The following TMEM74 variants were observed in gnomAD, a reference collection of about 807,000 sequenced individuals.
TMEM74 encodes transmembrane protein 74.
A neutral mutation model predicts 18.1 loss-of-function variants in TMEM74; 13 were observed. The observed-to-expected ratio is 0.72, with a 90% confidence interval of 0.47 to 1.14. TMEM74 has a LOEUF of 1.14. Ranked by LOEUF, TMEM74 falls within the 50% of genes most tolerant of loss-of-function variation. TMEM74 has a pLI of 0.00. For missense variants in TMEM74, 372 were observed against 375.9 expected, an observed-to-expected ratio of 0.99 and a Z score of 0.09; for synonymous variants, 159 against 146.6, an observed-to-expected ratio of 1.08 and a Z score of -0.61.
intron 2 of TMEM74, among the ~76,000 whole-genome samples, chr8:108,630,453 T>C (rs1256240178): frequency 6.6e-6 from 1 of 152,052 alleles, no homozygotes; most frequent in Non-Finnish European, 1.5e-5. Flanking sequence ...ATTCAGGACT[T>C]GAACTCAGCT....
intron 2 of TMEM74, among the ~76,000 whole-genome samples, chr8:108,631,847 G>A (rs1415065631): frequency 6.6e-6 from 1 of 151,912 alleles, no homozygotes; most frequent in African/African-American, 2.4e-5. Flanking sequence ...CTTTTGTTTT[G>A]ACCAATACAA....
chr8:108,730,706 C>T (rs1315825791), intron 1 of TMEM74, among the ~76,000 whole-genome samples: 1 of 149,238 alleles, frequency 6.7e-6, no homozygotes. Flanking sequence ...GATCTCAGCT[C>T]ACTGCAAGCT....
At chr8:108,624,158 T>A (rs1057444992) in intron 2 of TMEM74, among the ~76,000 whole-genome samples, 2 of 152,096 alleles carry the variant, frequency 1.3e-5, no homozygotes, top group African/African-American at 4.8e-5. Context: ...AATTTTGACC[T>A]CCTTTTATAG....
chr8:108,687,232 C>T (rs983400137), intron 1 of TMEM74, among the ~76,000 whole-genome samples: 2 of 151,892 alleles, frequency 1.3e-5, no homozygotes, highest in Admixed American at 6.6e-5. Flanking sequence ...ATGGAGGGAA[C>T]CTATAAAAGC....
At chr8:108,722,997 C>CT (rs1182724278) in intron 1 of TMEM74, among the ~76,000 whole-genome samples, 1 of 152,134 alleles carries the variant, frequency 6.6e-6, no homozygotes, top group East Asian at 1.9e-4. Flanking sequence ...ACCTCATGAT[C>CT]TTGTGAGGAT....
chr8:108,632,119 G>A (rs1281333619), intron 2 of TMEM74, among the ~76,000 whole-genome samples: 1 of 151,988 alleles, frequency 6.6e-6, no homozygotes, highest in Non-Finnish European at 1.5e-5. Context: ...GAATGCACAG[G>A]AAGGACGTTA....
At chr8:108,661,035 C>T (rs896235475) in intron 1 of TMEM74, among the ~76,000 whole-genome samples, 9 of 152,084 alleles carry the variant, frequency 5.9e-5, no homozygotes, top group African/African-American at 2.2e-4. Flanking sequence ...TAGGATGATA[C>T]TTGTAAAATA....
intron 2 of TMEM74, chr8:108,626,746 A>C (rs1249071647): frequency 1.3e-5 from 2 of 152,012 alleles, no homozygotes; most frequent in African/African-American, 4.8e-5. Context: ...ATAAAAATTC[A>C]ATGTTTTCTT....
At chr8:108,613,701 G>T (rs1307125525) in intron 2 of TMEM74, among the ~76,000 whole-genome samples, 1 of 152,144 alleles carries the variant, frequency 6.6e-6, no homozygotes, top group East Asian at 1.9e-4. Context: ...AATGCCAAGA[G>T]GTCTGAATTC....
At chr8:108,666,336 T>C (rs1484766682) in intron 1 of TMEM74, among the ~76,000 whole-genome samples, 1 of 152,134 alleles carries the variant, frequency 6.6e-6, no homozygotes, top group Non-Finnish European at 1.5e-5. Flanking sequence ...TAACTACGAG[T>C]TGAGTGATTA....
Position 108,784,322 on chromosome 8 carries a change from G to C in TMEM74, c.777C>G (p.Leu259=), listed in dbSNP as rs138820996. ...AAGAGGCAAATCTGTTTCGACGATA[G>C]AGCTCCCCCTTCCACATGGACATCA... ...LLMMSMWKGE[L]YRRNRFASSK... is the part of the protein sequence containing the mutation. Residue 259 remains leucine (L), a synonymous_variant, in exon 2 of 2, where the codon CTC becomes CTG. Transcript: ENST00000297459. 1 of 1,614,094 alleles carries C rather than the reference G, an allele frequency of 6.2e-7. No individual in the cohort carries two copies. The highest frequency in any genetic ancestry group is 2.2e-5 in the East Asian group (1 of 44,860).
downstream of TMEM74, among the ~76,000 whole-genome samples, chr8:108,776,148 C>T (rs1428463666): frequency 6.6e-6 from 1 of 152,170 alleles, no homozygotes; most frequent in Non-Finnish European, 1.5e-5. Flanking sequence ...AACAATTCAA[C>T]CAAATGACAG....
chr8:108,719,121 G>A (rs922158896), intron 1 of TMEM74, among the ~76,000 whole-genome samples: 5 of 151,910 alleles, frequency 3.3e-5, no homozygotes, highest in Non-Finnish European at 4.4e-5. Context: ...GTTTTTAGAA[G>A]ACATTTACTT....
intron 1 of TMEM74, among the ~76,000 whole-genome samples, chr8:108,683,925 C>T (rs909482489): frequency 2.0e-5 from 3 of 152,052 alleles, no homozygotes; most frequent in Admixed American, 2.0e-4. Context: ...CTGCAAGTGA[C>T]AGAATTTCAT....
intron 1 of TMEM74, among the ~76,000 whole-genome samples, chr8:108,756,819 A>C (rs2130657836): frequency 6.6e-6 from 1 of 151,344 alleles, no homozygotes; most frequent in African/African-American, 2.4e-5. Context: ...GAAGGAAGGA[A>C]GGAAGGAAGG....
rs116067964 is a variant in TMEM74 at position 108,694,680 on chromosome 8, C to T, written n.120-39243G>A. ...AGAAGTGGAACCAACAAGATACATG[C>T]ATACATACATACACATATACCTATA... On this transcript the variant is annotated intron_variant and non_coding_transcript_variant, in intron 1 of 3. Transcript: ENST00000518838. 6.8e-3 allele frequency among the ~76,000 whole-genome samples: 1,030 copies of T among 152,286 alleles called. 8 individuals carry two copies. Among genetic ancestry groups the T allele is most frequent in the African/African-American group, 0.023 (950 of 41,548 alleles).
chr8:108,715,970 A>G (rs895017882), intron 1 of TMEM74, among the ~76,000 whole-genome samples: 1 of 152,104 alleles, frequency 6.6e-6, no homozygotes, highest in Admixed American at 6.5e-5. Context: ...ATTGTAATTC[A>G]TAAGAAAGAT....
rs138631517 is a variant in TMEM74, at chr8:108,651,788, AT to A, written n.264+3504del. Among the ~76,000 whole-genome samples, 1,215 of 151,070 alleles carry A rather than the reference AT, an allele frequency of 8.0e-3. 18 individuals carry two copies. The highest frequency in any genetic ancestry group is 0.026 in the African/African-American group (1,061 of 41,184). Reference sequence around the variant, plus strand: ...AAGTAAAGCTAAAAGGAGAAGAGTTATTTTTTTTTGATATATGTGTATGCAT... The same window carrying A: ...AAGTAAAGCTAAAAGGAGAAGAGTTATTTTTTTTGATATATGTGTATGCAT... On this transcript the variant is annotated intron_variant and non_coding_transcript_variant, in intron 2 of 3. Coordinates refer to the TMEM74 transcript ENST00000518838.
In TMEM74 at chr8:108,754,651, GTAGGTAGGTAGC is replaced by G. The variant is rs1813938131; in HGVS notation, n.119+32813_119+32824del. Among the ~76,000 whole-genome samples the G allele has an allele frequency of 3.7e-5, 5 of 134,712 alleles. 1 individual carries two copies. The highest frequency in any genetic ancestry group is 4.3e-4 in the East Asian group (2 of 4,704). 88.4% of individuals were successfully genotyped at this position (134,712 alleles called of 152,430 possible). A position where few individuals can be genotyped will look rare whatever the true frequency, so the allele number is the denominator to read the frequency against. On this transcript the variant is annotated intron_variant and non_coding_transcript_variant, in intron 1 of 3. Transcript: ENST00000518838. ...GCCAATAGGATGGATAGGTAGGTAG[GTAGGTAGGTAGC>G]TAGGTAGCTAGGTAGCTAGGTAGCT...
Sources: allele counts gnomAD v4.1 joint callset (sites outside exome capture counted in the v4.1 genomes callset), GRCh38; gene constraint gnomAD v4.1.1; transcripts MANE v1.5; gene names NCBI Gene and HGNC (gene_info 2026-07-23, HGNC 2026-07-21).